CAMSAP2: variants seen among roughly 807,000 people sequenced by gnomAD.
CAMSAP2 encodes calmodulin-regulated spectrin-associated protein 2.
In CAMSAP2, 26 loss-of-function variants were observed where a neutral mutation model predicts 146.1. The observed-to-expected ratio is 0.18, with a 90% confidence interval of 0.13 to 0.25. The LOEUF (loss-of-function observed/expected upper bound fraction) is 0.25, where lower values mean the gene tolerates loss of function less well. CAMSAP2 is among the 10% of genes least tolerant of loss of function. The probability of loss-of-function intolerance (pLI) is 1.00; values close to 1 mark genes in which losing one functional copy is unlikely to be tolerated. For missense variants in CAMSAP2, 1,381 were observed against 1,759.3 expected (o/e 0.78, Z 3.85); for synonymous variants, 499 against 596.6 (o/e 0.84, Z 2.38).
chr1:200,753,320 TAGAG>T (rs932535034), intron 1 of CAMSAP2, among the ~76,000 whole-genome samples: 3 of 145,148 alleles, frequency 2.1e-5, no homozygotes, highest in African/African-American at 7.6e-5. Context: ...AAAAAAAAGA[TAGAG>T]CACCCTTAGC....
intron 2 of CAMSAP2, among the ~76,000 whole-genome samples, chr1:200,780,090 G>A (rs1389212465): frequency 6.6e-6 from 1 of 152,074 alleles, no homozygotes; most frequent in Non-Finnish European, 1.5e-5. Context: ...TATTATTCAA[G>A]AAAGCCTGAA....
At position 200,847,269 on chromosome 1, in the gene CAMSAP2, C is replaced by A; in HGVS notation, c.1169C>A (p.Pro390His). 9 of 1,611,680 alleles carry A rather than the reference C, an allele frequency of 5.6e-6. No homozygotes were observed. Among genetic ancestry groups the A allele is most frequent in the Non-Finnish European group, 7.6e-6 (9 of 1,178,688 alleles). Residue 390 changes from proline to histidine, a missense_variant, in exon 9 of 17, where the codon CCC (proline) becomes CAC (histidine). Pro to His is a moderately conservative substitution (Grantham distance 77). Around this residue, in one of 4 missense-constraint regions of CAMSAP2, gnomAD observed 447 missense variants for 462.2 expected, o/e 0.97. Transcript: ENST00000358823. ...CATTTGCCTTCTAGGTATTCACGTC[C>A]CCAGGCTCATTCTTCAGCCTCAGGT... ...HHHLPSRYSR[P>H]QAHSSASGGI...
At chr1:200,776,596 G>T (rs1665285755) in intron 2 of CAMSAP2, among the ~76,000 whole-genome samples, 2 of 152,046 alleles carry the variant, frequency 1.3e-5, no homozygotes, top group Non-Finnish European at 1.5e-5. Flanking sequence ...GTGTTGTTGG[G>T]TGCCTGTAAT....
chr1:200,814,108 C>CAA (rs34408164), intron 3 of CAMSAP2, among the ~76,000 whole-genome samples: 34 of 28,746 alleles, frequency 1.2e-3, no homozygotes, highest in East Asian at 4.8e-3. Context: ...ACTGTGTTTC[C>CAA]AAAAAAAAAA....
intron 4 of CAMSAP2, among the ~76,000 whole-genome samples, chr1:200,817,131 T>C (rs1334211293): frequency 7.2e-6 from 1 of 138,198 alleles, no homozygotes; most frequent in African/African-American, 2.6e-5. Context: ...TACACGTATA[T>C]ATGTGTATAT....
At chr1:200,756,418 A>G (rs1571720276) in intron 1 of CAMSAP2, among the ~76,000 whole-genome samples, 1 of 151,962 alleles carries the variant, frequency 6.6e-6, no homozygotes, top group Non-Finnish European at 1.5e-5. Context: ...ACGTCACTGC[A>G]CTCCAGCCTG....
intron 14 of CAMSAP2, 76 bp from the exon 15 acceptor site, chr1:200,855,934 G>A: frequency 1.1e-6 from 1 of 948,088 alleles, no homozygotes; most frequent in Non-Finnish European, 1.6e-6. Context: ...GATTTTGATT[G>A]TTACTTTCAC....
chr1:200,835,738 A>G (rs1216114784), intron 6 of CAMSAP2, among the ~76,000 whole-genome samples: 1 of 152,190 alleles, frequency 6.6e-6, no homozygotes, highest in East Asian at 1.9e-4. Flanking sequence ...ATTTTCAGGT[A>G]ATAACAGAAA....
chr1:200,756,199 T>TC (rs1457965881), intron 1 of CAMSAP2, among the ~76,000 whole-genome samples: 1 of 152,144 alleles, frequency 6.6e-6, no homozygotes, highest in Non-Finnish European at 1.5e-5. Context: ...GTGCCTGTAA[T>TC]CCCAGCACTT....
intron 6 of CAMSAP2, among the ~76,000 whole-genome samples, chr1:200,834,615 A>G (rs1015535319): frequency 7.9e-5 from 12 of 152,108 alleles, no homozygotes; most frequent in African/African-American, 2.9e-4. Flanking sequence ...ATACTGAACT[A>G]CAATATAAAA....
At position 200,858,084 on chromosome 1, in the gene CAMSAP2, A is replaced by G. The variant is rs528667700; in HGVS notation, c.*25A>G. On this transcript the variant is annotated 3_prime_UTR_variant, in exon 17 of 17. Transcript: ENST00000358823. ...GAAGTTGGGAAATACTTGCTTCAGA[A>G]CATTCATGGTAAATTTGCACTTCAT... 9 of 1,524,766 alleles carry G rather than the reference A, an allele frequency of 5.9e-6. No individual in the cohort carries two copies. In the African/African-American group the frequency reaches 9.8e-5, roughly 17 times the overall value. 94.5% of individuals were successfully genotyped at this position (1,524,766 alleles called of 1,614,324 possible). A position where few individuals can be genotyped will look rare whatever the true frequency, so the allele number is the denominator to read the frequency against.
intron 13 of CAMSAP2, among the ~76,000 whole-genome samples, chr1:200,854,074 G>T (rs1256558841): frequency 1.3e-5 from 2 of 152,108 alleles, no homozygotes; most frequent in Non-Finnish European, 2.9e-5. Context: ...CACCTCCCTG[G>T]GTTCAGGTGA....
chr1:200,854,981 A>G (rs1322901743), intron 14 of CAMSAP2, 92 bp downstream of exon 14: 2 of 900,744 alleles, frequency 2.2e-6, no homozygotes, highest in South Asian at 3.7e-5. Flanking sequence ...GTGTTTTTAC[A>G]TTTTATAATG....
At position 200,828,648 on chromosome 1, in the gene CAMSAP2, A is replaced by G. The variant is rs1379996750; in HGVS notation, c.646-3552A>G. ...CTTCAGTTTGCTCTCCAGAATTGTA[A>G]TTGTAGAATGGTATTGTTTATGTCT... On this transcript the variant is annotated intron_variant, in intron 4 of 16. Coordinates refer to ENST00000358823, the MANE Select transcript of CAMSAP2 (RefSeq NM_203459.4). 8.6e-6 allele frequency: 13 copies of G among 1,520,252 alleles called. No homozygotes were observed. The African/African-American group carries it at 9.7e-5, about 11-fold the overall frequency. The allele number at this position is 1,520,252 out of a possible 1,614,324, so 94.2% of individuals were successfully genotyped here.
chr1:200,777,593 A>ATGG (rs1665317121), intron 2 of CAMSAP2, among the ~76,000 whole-genome samples: 1 of 151,660 alleles, frequency 6.6e-6, no homozygotes. Flanking sequence ...TTTAGGAAAG[A>ATGG]TGGATGCCTG....
chr1:200,800,943 T>C (rs991094758), intron 2 of CAMSAP2, among the ~76,000 whole-genome samples: 1 of 152,150 alleles, frequency 6.6e-6, no homozygotes, highest in African/African-American at 2.4e-5. Flanking sequence ...TGACTGGATA[T>C]GAAATTCTGG....
At chr1:200,794,071 C>T (rs918130830) in intron 2 of CAMSAP2, among the ~76,000 whole-genome samples, 32 of 152,158 alleles carry the variant, frequency 2.1e-4, no homozygotes, top group Non-Finnish European at 4.4e-4. Context: ...CATCTTCAGA[C>T]CTTAGCTGAC....
intron 1 of CAMSAP2, among the ~76,000 whole-genome samples, chr1:200,749,594 C>T (rs1015178248): frequency 2.6e-5 from 4 of 152,138 alleles, no homozygotes; most frequent in Admixed American, 2.0e-4. Context: ...GTGCTATTAA[C>T]TGCTTACCTT....
intron 2 of CAMSAP2, among the ~76,000 whole-genome samples, chr1:200,766,888 A>C (rs1383403163): frequency 6.6e-6 from 1 of 152,130 alleles, no homozygotes; most frequent in Non-Finnish European, 1.5e-5. Flanking sequence ...TCTCTGTTCC[A>C]TTTACCCACT....
Sources: gnomAD v4.1 joint callset for allele counts (sites outside exome capture counted in the v4.1 genomes callset) on GRCh38, gnomAD v4.1.1 for gene constraint, gnomAD v4.1.1 regional missense constraint, MANE v1.5 for transcripts, NCBI Gene and HGNC (gene_info 2026-07-23, HGNC 2026-07-21) for gene names.